The following CSRNP3 variants were observed in gnomAD, a reference collection of about 807,000 sequenced individuals.
CSRNP3 encodes the protein cysteine and serine rich nuclear protein 3.
In CSRNP3, 12 loss-of-function variants were observed where a neutral mutation model predicts 48.0. The ratio of observed to expected loss-of-function variants is 0.25; its 90% CI spans 0.16 to 0.41. The LOEUF (loss-of-function observed/expected upper bound fraction) is 0.41, where lower values mean the gene tolerates loss of function less well. CSRNP3 is among the 10% of genes least tolerant of loss of function. CSRNP3 has a pLI of 1.00. For missense variants in CSRNP3, 580 were observed against 724.4 expected (o/e 0.80, Z 2.29); for synonymous variants, 263 against 269.7 (o/e 0.98, Z 0.24).
chr2:165,482,564 C>T (rs1684061957), intron 1 of CSRNP3, among the ~76,000 whole-genome samples: 1 of 152,144 alleles, frequency 6.6e-6, no homozygotes, highest in Non-Finnish European at 1.5e-5. Context: ...CATGCCCAGT[C>T]AACAGATGTG....
chr2:165,635,281 A>T (rs1195679478), intron 4 of CSRNP3, among the ~76,000 whole-genome samples: 1 of 152,198 alleles, frequency 6.6e-6, no homozygotes, highest in Non-Finnish European at 1.5e-5. Flanking sequence ...GACAAAACTC[A>T]TTCTTTTCTC....
chr2:165,646,090 A>G (rs1270382782), intron 4 of CSRNP3, among the ~76,000 whole-genome samples: 2 of 152,260 alleles, frequency 1.3e-5, no homozygotes, highest in Non-Finnish European at 2.9e-5. Context: ...TGGATCCAGT[A>G]AAACAGCATA....
At chr2:165,629,489 G>A (rs1036009517) in intron 4 of CSRNP3, among the ~76,000 whole-genome samples, 7 of 152,250 alleles carry the variant, frequency 4.6e-5, no homozygotes, top group African/African-American at 7.2e-5. Flanking sequence ...TCTTCAAAAC[G>A]CTATGAATCC....
chr2:165,477,504 AAT>A (rs35294627), intron 1 of CSRNP3, among the ~76,000 whole-genome samples: 4 of 132,182 alleles, frequency 3.0e-5, no homozygotes, highest in Non-Finnish European at 4.8e-5. Context: ...ATATAATACA[AAT>A]ATATATATAT....
chr2:165,643,288 G>A (rs1206691689), intron 4 of CSRNP3, among the ~76,000 whole-genome samples: 1 of 152,116 alleles, frequency 6.6e-6, no homozygotes, highest in Non-Finnish European at 1.5e-5. Context: ...TCCTTACTTG[G>A]ACCATTTCTC....
At chr2:165,537,320 A>G (rs1428292344) in intron 3 of CSRNP3, among the ~76,000 whole-genome samples, 1 of 150,686 alleles carries the variant, frequency 6.6e-6, no homozygotes, top group Non-Finnish European at 1.5e-5. Context: ...ACTGAGCTTT[A>G]CAGATTTGTT....
At chr2:165,677,166 G>C (rs561643837) in intron 6 of CSRNP3, among the ~76,000 whole-genome samples, 1 of 152,208 alleles carries the variant, frequency 6.6e-6, no homozygotes, top group South Asian at 2.1e-4. Context: ...GTCAGGGGTT[G>C]GCACCCTATA....
chr2:165,652,936 C>T (rs919773865), intron 4 of CSRNP3, among the ~76,000 whole-genome samples: 2 of 152,146 alleles, frequency 1.3e-5, no homozygotes, highest in Admixed American at 6.5e-5. Flanking sequence ...AAAGCCAATA[C>T]TGAACTCTGT....
intron 3 of CSRNP3, among the ~76,000 whole-genome samples, chr2:165,531,510 G>C (rs183936635): frequency 1.4e-3 from 206 of 152,240 alleles, no homozygotes; most frequent in Non-Finnish European, 2.4e-3. Flanking sequence ...GCGGTGTTTG[G>C]TTTTTTGTCC....
At chr2:165,563,142 A>G (rs1032794981) in intron 3 of CSRNP3, among the ~76,000 whole-genome samples, 2 of 152,216 alleles carry the variant, frequency 1.3e-5, no homozygotes, top group Non-Finnish European at 2.9e-5. Context: ...CTATGTAATG[A>G]CTGGTTCTCT....
At chr2:165,588,879 T>C (rs1054346549) in intron 3 of CSRNP3, among the ~76,000 whole-genome samples, 2 of 152,162 alleles carry the variant, frequency 1.3e-5, no homozygotes, top group African/African-American at 4.8e-5. Flanking sequence ...GGAGGATCCC[T>C]TGAGCTCAGG....
At chr2:165,597,184 TG>T (rs1685826150) in intron 4 of CSRNP3, among the ~76,000 whole-genome samples, 1 of 152,334 alleles carries the variant, frequency 6.6e-6, no homozygotes, top group South Asian at 2.1e-4. Flanking sequence ...ATTATGTTTC[TG>T]GATATAAAGG....
chr2:165,547,583 T>A (rs943798825), intron 3 of CSRNP3, among the ~76,000 whole-genome samples: 6 of 152,088 alleles, frequency 3.9e-5, no homozygotes, highest in African/African-American at 1.4e-4. Context: ...CTTTTTTTTT[T>A]ATTAAGTACC....
At position 165,608,883 on chromosome 2, in the gene CSRNP3, G is replaced by C. The variant is rs553530089; in HGVS notation, c.148+13670G>C. On this transcript the variant is annotated intron_variant, in intron 4 of 6. Transcript: ENST00000651982. Reference sequence around the variant, plus strand: ...AGGAGGGCAGATCACGAGGTCAGGAGATCCAGACCATCCTGGCTAACACAG... The same window carrying C: ...AGGAGGGCAGATCACGAGGTCAGGACATCCAGACCATCCTGGCTAACACAG... Among the ~76,000 whole-genome samples the C allele has an allele frequency of 1.8e-4, 25 of 137,866 alleles. No homozygotes were observed. The South Asian group carries it at 5.8e-3, about 32-fold the overall frequency. 90.4% of individuals were successfully genotyped at this position (137,866 alleles called of 152,430 possible). A position where few individuals can be genotyped will look rare whatever the true frequency, so the allele number is the denominator to read the frequency against.
intron 4 of CSRNP3, among the ~76,000 whole-genome samples, chr2:165,652,735 G>C (rs1409678962): frequency 6.6e-6 from 1 of 151,856 alleles, no homozygotes; most frequent in East Asian, 2.0e-4. Context: ...GCAGAGATGG[G>C]GTTTCGCCAC....
chr2:165,487,598 C>G, intron 1 of CSRNP3, among the ~76,000 whole-genome samples: 1 of 146,370 alleles, frequency 6.8e-6, no homozygotes, highest in Non-Finnish European at 1.5e-5. Flanking sequence ...GCGGATCTCT[C>G]GGCAGAAACC....
intron 4 of CSRNP3, among the ~76,000 whole-genome samples, chr2:165,604,882 A>G (rs954875728): frequency 6.6e-6 from 1 of 152,208 alleles, no homozygotes; most frequent in Non-Finnish European, 1.5e-5. Context: ...AAAAATAGTA[A>G]CATTTGATTT....
intron 3 of CSRNP3, among the ~76,000 whole-genome samples, chr2:165,593,268 G>T (rs1685752069): frequency 6.6e-6 from 1 of 152,124 alleles, no homozygotes; most frequent in Non-Finnish European, 1.5e-5. Flanking sequence ...TCTAGGGCTG[G>T]TATGTGACCA....
chr2:165,586,467 A>G (rs1431257756), intron 3 of CSRNP3, among the ~76,000 whole-genome samples: 1 of 152,246 alleles, frequency 6.6e-6, no homozygotes, highest in Non-Finnish European at 1.5e-5. Context: ...TGAATTTCAG[A>G]TAAATTTTAG....
Sources: gnomAD v4.1 joint callset for allele counts (sites outside exome capture counted in the v4.1 genomes callset) on GRCh38, gnomAD v4.1.1 for gene constraint, MANE v1.5 for transcripts, NCBI Gene and HGNC (gene_info 2026-07-23, HGNC 2026-07-21) for gene names.